Variants in PTPRM observed in about 807,000 individuals in gnomAD.
PTPRM encodes the protein receptor-type tyrosine-protein phosphatase mu.
Under a neutral mutation model 186.7 loss-of-function variants are expected in PTPRM, and 47 were observed. The ratio of observed to expected loss-of-function variants is 0.25; its 90% CI spans 0.20 to 0.32. The LOEUF is 0.32. Among genes scored for constraint, PTPRM ranks in the 10% least tolerant of loss-of-function variants. PTPRM has a pLI of 1.00. For synonymous variants in PTPRM, 668 were observed against 674.9 expected, an observed-to-expected ratio of 0.99 and a Z score of 0.16; for missense variants, 1,494 against 1,865.0, an observed-to-expected ratio of 0.80 and a Z score of 3.66.
At chr18:8,041,816 G>A (rs1189916250) in intron 7 of PTPRM, among the ~76,000 whole-genome samples, 1 of 152,186 alleles carries the variant, frequency 6.6e-6, no homozygotes, top group Admixed American at 6.5e-5. Context: ...TCATTTATCA[G>A]CTAGACACAT....
chr18:8,188,552 T>TA (rs2093671316), intron 14 of PTPRM, among the ~76,000 whole-genome samples: 1 of 152,296 alleles, frequency 6.6e-6, no homozygotes, highest in African/African-American at 2.4e-5. Context: ...GGCTCAGACC[T>TA]ATTGCCTGTG....
intron 17 of PTPRM, among the ~76,000 whole-genome samples, chr18:8,249,690 G>T (rs2094509858): frequency 6.6e-6 from 1 of 152,156 alleles, no homozygotes; most frequent in Non-Finnish European, 1.5e-5. Context: ...TCACAGCAGG[G>T]TTAAGACAAG....
chr18:7,864,764 T>C (rs1262964454), intron 2 of PTPRM, among the ~76,000 whole-genome samples: 5 of 152,234 alleles, frequency 3.3e-5, no homozygotes, highest in African/African-American at 1.2e-4. Context: ...GGGGATAGCA[T>C]TGAATCTATA....
intron 7 of PTPRM, among the ~76,000 whole-genome samples, chr18:7,998,709 C>T (rs1488957539): frequency 6.6e-6 from 1 of 152,046 alleles, no homozygotes; most frequent in Non-Finnish European, 1.5e-5. Context: ...GGCTGGAGTG[C>T]AGTGGCACGA....
At chr18:8,080,421 G>T (rs1013016687) in intron 9 of PTPRM, among the ~76,000 whole-genome samples, 6 of 152,196 alleles carry the variant, frequency 3.9e-5, no homozygotes. Context: ...AAAAGGTACT[G>T]TTCCTTTTCT....
chr18:8,038,997 AATTAT>A (rs1264154028), intron 7 of PTPRM, among the ~76,000 whole-genome samples: 1 of 152,006 alleles, frequency 6.6e-6, no homozygotes, highest in African/African-American at 2.4e-5. Flanking sequence ...TTTTTGCCAG[AATTAT>A]ATTAGAGAAA....
chr18:8,363,817 TTTGTAGGATA>T (rs1466366602), intron 23 of PTPRM, among the ~76,000 whole-genome samples: 8 of 152,194 alleles, frequency 5.3e-5, no homozygotes, highest in Non-Finnish European at 1.2e-4. Flanking sequence ...TCTCGTGTGG[TTTGTAGGATA>T]ACACTTAAAA....
At chr18:8,380,590 C>A (rs1031782652) in intron 29 of PTPRM, among the ~76,000 whole-genome samples, 163 bp downstream of exon 29, 2 of 151,948 alleles carry the variant, frequency 1.3e-5, no homozygotes, top group Non-Finnish European at 2.9e-5. Context: ...AAAAATCAGG[C>A]GGAATTAGGG....
At chr18:7,632,526 T>G (rs1002975342) in intron 1 of PTPRM, among the ~76,000 whole-genome samples, 1 of 152,198 alleles carries the variant, frequency 6.6e-6, no homozygotes, top group South Asian at 2.1e-4. Context: ...TAGCACTTGG[T>G]GTCGTTTCCA....
In PTPRM at chr18:8,129,023, C is replaced by T. The variant is rs546361893; in HGVS notation, c.2167+14196C>T. Among the ~76,000 whole-genome samples, 54 of 152,000 alleles carry T rather than the reference C, an allele frequency of 3.6e-4. No individual in the cohort carries two copies. The Middle Eastern group carries it at 0.014, about 38-fold the overall frequency. ...TAGGAAACCTAACTTTTAATTTTGA[C>T]GTTAATTTGGTGTATTACGCATATC... On this transcript the variant is annotated intron_variant, in intron 13 of 32. Transcript: ENST00000580170.
intron 24 of PTPRM, among the ~76,000 whole-genome samples, chr18:8,374,437 C>A (rs1485022117): frequency 6.6e-6 from 1 of 152,156 alleles, no homozygotes; most frequent in African/African-American, 2.4e-5. Context: ...GGAATGCATA[C>A]CACCAAAATG....
chr18:7,919,567 C>G (rs181099262), intron 4 of PTPRM, among the ~76,000 whole-genome samples: 1 of 152,188 alleles, frequency 6.6e-6, no homozygotes, highest in Admixed American at 6.5e-5. Context: ...CCATTGAGGT[C>G]AGAAAAGATA....
At chr18:7,717,194 C>T (rs1783661608) in intron 1 of PTPRM, among the ~76,000 whole-genome samples, 2 of 152,112 alleles carry the variant, frequency 1.3e-5, no homozygotes, top group Admixed American at 1.3e-4. Context: ...GGACTTACAT[C>T]CCTATTTTCC....
intron 32 of PTPRM, among the ~76,000 whole-genome samples, chr18:8,398,728 C>T (rs977609077): frequency 2.0e-5 from 3 of 150,868 alleles, no homozygotes; most frequent in Non-Finnish European, 4.4e-5. Flanking sequence ...TGAGATCGCA[C>T]CACTGCACTC....
chr18:7,638,074 A>G (rs536194938), intron 1 of PTPRM, among the ~76,000 whole-genome samples: 8 of 152,246 alleles, frequency 5.3e-5, no homozygotes, highest in South Asian at 2.1e-4. Flanking sequence ...TGAATGAAAA[A>G]CCATTCAGTT....
At chr18:7,927,471 TG>T (rs2051241336) in intron 5 of PTPRM, among the ~76,000 whole-genome samples, 2 of 150,262 alleles carry the variant, frequency 1.3e-5, no homozygotes, top group African/African-American at 4.9e-5. Flanking sequence ...TTTGTGTGGG[TG>T]TGGGTTTTTT....
chr18:7,659,443 C>T (rs773826650), intron 1 of PTPRM, among the ~76,000 whole-genome samples: 43 of 152,188 alleles, frequency 2.8e-4, no homozygotes, highest in Non-Finnish European at 4.9e-4. Flanking sequence ...CACTTACCTG[C>T]AGTCTAAAGT....
At chr18:8,277,680 G>A (rs2094852226) in intron 19 of PTPRM, among the ~76,000 whole-genome samples, 1 of 152,162 alleles carries the variant, frequency 6.6e-6, no homozygotes, top group South Asian at 2.1e-4. Flanking sequence ...TAGAAATGAA[G>A]CTTGAAAATG....
chr18:7,777,210 A>G (rs1017193191), intron 2 of PTPRM, among the ~76,000 whole-genome samples: 13 of 152,300 alleles, frequency 8.5e-5, no homozygotes, highest in African/African-American at 2.9e-4. Context: ...TCTTATGTAT[A>G]TAGGTTGGTT....
Sources: gnomAD v4.1 joint callset for allele counts (sites outside exome capture counted in the v4.1 genomes callset) on GRCh38, gnomAD v4.1.1 for gene constraint, MANE v1.5 for transcripts, NCBI Gene and HGNC (gene_info 2026-07-23, HGNC 2026-07-21) for gene names.